The following KICS2 variants were observed in gnomAD, a reference collection of about 807,000 sequenced individuals.
KICS2 encodes the protein KICSTOR complex protein C12orf66.
In KICS2, 13 loss-of-function variants were observed where a neutral mutation model predicts 31.4. The observed-to-expected ratio is 0.41, with a 90% CI of 0.27 to 0.66. The LOEUF is 0.66. KICS2 is among the 30% of genes least tolerant of loss of function. The pLI, the probability that KICS2 is intolerant of heterozygous loss-of-function variation, is 0.28. For missense variants in KICS2, 455 were observed against 545.4 expected (o/e 0.83, Z 1.65); for synonymous variants, 209 against 214.8 (o/e 0.97, Z 0.24).
intron 2 of KICS2, among the ~76,000 whole-genome samples, chr12:64,208,370 T>C (rs1565718390): frequency 6.6e-6 from 1 of 152,130 alleles, no homozygotes; most frequent in Non-Finnish European, 1.5e-5. Context: ...TGATGGGAGG[T>C]AGCAGATGAA....
chr12:64,195,146 T>A (rs78839296), intron 2 of KICS2, among the ~76,000 whole-genome samples: 5,007 of 152,210 alleles, frequency 0.033, 288 homozygotes, highest in African/African-American at 0.11. Flanking sequence ...GGTTTCAAAC[T>A]CTAAGTGATC....
chr12:64,221,960 T>C, intron 1 of KICS2, 43 bp downstream of exon 1: 1 of 1,551,292 alleles, frequency 6.4e-7, no homozygotes. Flanking sequence ...ATATACCCCC[T>C]TTACTTCCTC....
intron 2 of KICS2, among the ~76,000 whole-genome samples, chr12:64,211,664 G>T (rs1329250613): frequency 2.0e-5 from 3 of 152,034 alleles, no homozygotes; most frequent in Admixed American, 1.3e-4. Flanking sequence ...TTAAAGACGG[G>T]AACTAAGTGG....
chr12:64,190,753 AAAAG>A (rs199918231), downstream of KICS2, among the ~76,000 whole-genome samples: 126 of 151,594 alleles, frequency 8.3e-4, 1 homozygote, highest in South Asian at 6.4e-3. Flanking sequence ...TTCAAAAAAA[AAAAG>A]AAAGAAAGAA....
Position 64,193,746 on chromosome 12 carries a change from A to C in KICS2, c.*96T>G. ...TCTTTAATTTAGTTCTGAAAGAGGCATGAATGGATGTAAACTCTATTCACA... is the reference window on the plus strand; with the variant it reads ...TCTTTAATTTAGTTCTGAAAGAGGCCTGAATGGATGTAAACTCTATTCACA... On this transcript the variant is annotated 3_prime_UTR_variant, in exon 3 of 3. Transcript: ENST00000398055. 6.8e-7 allele frequency: 1 copy of C among 1,463,588 alleles called. No homozygotes were observed. The highest frequency in any genetic ancestry group is 9.0e-7 in the Non-Finnish European group (1 of 1,109,688). The allele number at this position is 1,463,588 out of a possible 1,614,324, so 90.7% of individuals were successfully genotyped here. A position where few individuals can be genotyped will look rare whatever the true frequency, so the allele number is the denominator to read the frequency against.
chr12:64,203,390 T>C (rs2037508196), intron 2 of KICS2, among the ~76,000 whole-genome samples: 1 of 152,222 alleles, frequency 6.6e-6, no homozygotes, highest in Admixed American at 6.5e-5. Flanking sequence ...TACATGCTCC[T>C]TCTCCAGAAG....
chr12:64,216,934 T>C (rs1185507159), intron 1 of KICS2, among the ~76,000 whole-genome samples: 1 of 58,478 alleles, frequency 1.7e-5, no homozygotes, highest in Non-Finnish European at 3.4e-5. Flanking sequence ...CAGTGATTTC[T>C]AGGAATATAT....
chr12:64,217,528 G>A (rs952149006), intron 1 of KICS2, among the ~76,000 whole-genome samples: 2 of 151,980 alleles, frequency 1.3e-5, no homozygotes, highest in African/African-American at 4.8e-5. Flanking sequence ...GCCAGACATG[G>A]TGGCTCATGC....
rs1231386408 is a variant in KICS2, at chr12:64,192,684, T to C, written c.*1158A>G. 6 of 985,450 alleles carry C rather than the reference T, an allele frequency of 6.1e-6. No homozygotes were observed. Among genetic ancestry groups the C allele is most frequent in the Non-Finnish European group, 7.2e-6 (6 of 829,938 alleles). 61.0% of individuals were successfully genotyped at this position (985,450 alleles called of 1,614,324 possible). The stretch of plus-strand genomic sequence containing the variant: ...TTATTTTGAATCAATAATCTAGAAG[T>C]GAAGGTCTCCACAGCCCATTATGCC... On this transcript the variant is annotated 3_prime_UTR_variant, in exon 3 of 3. Coordinates refer to ENST00000398055, the MANE Select transcript of KICS2 (RefSeq NM_152440.5).
At chr12:64,212,379 G>C (rs529307050) in intron 2 of KICS2, among the ~76,000 whole-genome samples, 1 of 152,250 alleles carries the variant, frequency 6.6e-6, no homozygotes, top group South Asian at 2.1e-4. Context: ...CTGTGTCTAT[G>C]ACTTTGCCTG....
chr12:64,221,843 G>T, intron 1 of KICS2, 160 bp downstream of exon 1: 2 of 818,354 alleles, frequency 2.4e-6, no homozygotes, highest in Non-Finnish European at 3.8e-6. Flanking sequence ...GCTTGTGGAA[G>T]CCCAGGGAAG....
downstream of KICS2, among the ~76,000 whole-genome samples, chr12:64,189,693 G>A (rs699636): frequency 0.99 from 150,185 of 152,332 alleles, 74,069 homozygotes; most frequent in Middle Eastern, 1. Context: ...ACACACCACA[G>A]ACAGTAAGCA....
downstream of KICS2, chr12:64,187,241 C>T (rs1411886732): frequency 2.1e-5 from 4 of 193,784 alleles, no homozygotes; most frequent in East Asian, 2.4e-4. Flanking sequence ...CCATTCTCGC[C>T]GCACGTCTAA....
downstream of KICS2, among the ~76,000 whole-genome samples, chr12:64,190,201 A>G (rs2037368537): frequency 6.6e-6 from 1 of 152,230 alleles, no homozygotes; most frequent in Non-Finnish European, 1.5e-5. Flanking sequence ...AAATTTAAGG[A>G]AAGAGTGGTC....
chr12:64,189,483 G>C (rs192457885), downstream of KICS2, among the ~76,000 whole-genome samples: 10 of 152,240 alleles, frequency 6.6e-5, no homozygotes, highest in Admixed American at 5.2e-4. Flanking sequence ...TGAAAAACAA[G>C]TGATAGTTCA....
intron 2 of KICS2, among the ~76,000 whole-genome samples, chr12:64,209,451 G>A (rs1313398930): frequency 6.6e-6 from 1 of 152,082 alleles, no homozygotes; most frequent in African/African-American, 2.4e-5. Context: ...TGGGCATGGT[G>A]GCAGGCGCCT....
intron 2 of KICS2, among the ~76,000 whole-genome samples, chr12:64,210,506 C>T (rs2037573350): frequency 6.6e-6 from 1 of 152,098 alleles, no homozygotes; most frequent in African/African-American, 2.4e-5. Flanking sequence ...AATCCCAGCA[C>T]TTTGGGCACC....
At chr12:64,196,595 A>G (rs1284826365) in intron 2 of KICS2, among the ~76,000 whole-genome samples, 44 of 151,848 alleles carry the variant, frequency 2.9e-4, no homozygotes, top group African/African-American at 1.0e-3. Context: ...ACAAAGCTGG[A>G]TGGAGAATGA....
intron 2 of KICS2, 82 bp from the exon 3 acceptor site, chr12:64,194,740 A>G: frequency 6.8e-7 from 1 of 1,469,344 alleles, no homozygotes; most frequent in East Asian, 2.4e-5. Context: ...CAAAGCAACA[A>G]AATGGCCAAA....
Sources: allele counts gnomAD v4.1 joint callset (sites outside exome capture counted in the v4.1 genomes callset), GRCh38; gene constraint gnomAD v4.1.1; transcripts MANE v1.5; gene names NCBI Gene and HGNC (gene_info 2026-07-23, HGNC 2026-07-21).